The following EXOC6 variants were observed in gnomAD, a reference collection of about 807,000 sequenced individuals.
The protein encoded by EXOC6 is exocyst complex component 6.
EXOC6 carries 60 observed loss-of-function variants against 112.5 expected under a neutral mutation model. The observed-to-expected ratio is 0.53, with a 90% CI of 0.43 to 0.66. The LOEUF (loss-of-function observed/expected upper bound fraction) is 0.66, where lower values mean the gene tolerates loss of function less well. Ranked by LOEUF, EXOC6 falls within the 30% of genes least tolerant of loss-of-function variation. EXOC6 has a pLI of 0.00. For synonymous variants in EXOC6, 295 were observed against 308.0 expected, an observed-to-expected ratio of 0.96 and a Z score of 0.44; for missense variants, 855 against 957.1, an observed-to-expected ratio of 0.89 and a Z score of 1.41.
intron 5 of EXOC6, among the ~76,000 whole-genome samples, chr10:92,905,074 A>G (rs983132543): frequency 6.6e-6 from 1 of 151,978 alleles, no homozygotes; most frequent in African/African-American, 2.4e-5. Flanking sequence ...TTTCCATTGA[A>G]TTTCCTCAGT....
At chr10:92,844,584 T>C (rs576156410), upstream of EXOC6, among the ~76,000 whole-genome samples, 1 of 151,252 alleles carries the variant, frequency 6.6e-6, no homozygotes, top group Non-Finnish European at 1.5e-5. Context: ...CACAATCAGG[T>C]TTTTTTTTAA....
chr10:93,013,299 A>G (rs1184157183), intron 19 of EXOC6, among the ~76,000 whole-genome samples: 2 of 151,396 alleles, frequency 1.3e-5, no homozygotes, highest in East Asian at 3.9e-4. Context: ...TAGTTGAGGC[A>G]TGAATCCTTT....
At chr10:92,960,510 G>C (rs1403311996) in intron 17 of EXOC6, among the ~76,000 whole-genome samples, 1 of 151,632 alleles carries the variant, frequency 6.6e-6, no homozygotes, top group African/African-American at 2.4e-5. Flanking sequence ...GGAATTTGTG[G>C]GGTATGTAGT....
chr10:92,925,413 G>A (rs1851661457), intron 8 of EXOC6, among the ~76,000 whole-genome samples: 1 of 151,898 alleles, frequency 6.6e-6, no homozygotes, highest in African/African-American at 2.4e-5. Flanking sequence ...TCATGCCTCA[G>A]TCTCCCAAGT....
At chr10:92,924,468 G>A (rs1851601255) in intron 8 of EXOC6, among the ~76,000 whole-genome samples, 1 of 152,112 alleles carries the variant, frequency 6.6e-6, no homozygotes, top group Non-Finnish European at 1.5e-5. Context: ...AGTGGGTAAA[G>A]CTGTTTAGCT....
At chr10:92,948,184 G>C in intron 13 of EXOC6, 90 bp from the exon 14 acceptor site, 1 of 750,708 alleles carries the variant, frequency 1.3e-6, no homozygotes, top group East Asian at 2.8e-5. Flanking sequence ...AACTGCTTTT[G>C]TAATAGTTGG....
intron 1 of EXOC6, among the ~76,000 whole-genome samples, chr10:92,877,452 T>C (rs1465694201): frequency 6.6e-6 from 1 of 152,198 alleles, no homozygotes; most frequent in Non-Finnish European, 1.5e-5. Context: ...TAAAACCAGT[T>C]GTCCTTTATA....
At chr10:92,922,069 C>G (rs960431232) in intron 8 of EXOC6, among the ~76,000 whole-genome samples, 3 of 152,024 alleles carry the variant, frequency 2.0e-5, no homozygotes, top group African/African-American at 7.2e-5. Context: ...CCTTAGCCTC[C>G]CAAGTAGCTG....
chr10:92,929,643 A>C (rs1851917443), intron 9 of EXOC6, among the ~76,000 whole-genome samples: 1 of 152,262 alleles, frequency 6.6e-6, no homozygotes, highest in South Asian at 2.1e-4. Context: ...AGAAACTATA[A>C]AGAATGACCA....
intron 18 of EXOC6, among the ~76,000 whole-genome samples, chr10:92,977,792 A>G (rs914480709): frequency 4.6e-5 from 7 of 152,154 alleles, no homozygotes; most frequent in Non-Finnish European, 1.0e-4. Context: ...ATTAAGAGAG[A>G]TTATGTGTTA....
At chr10:92,935,726 A>G in intron 11 of EXOC6, 88 bp from the exon 12 acceptor site, 1 of 945,940 alleles carries the variant, frequency 1.1e-6, no homozygotes, top group South Asian at 1.5e-5. Context: ...AAGAAACATT[A>G]TCAATTTCTT....
chr10:92,958,665 G>A (rs1853823248), intron 17 of EXOC6, among the ~76,000 whole-genome samples: 1 of 152,116 alleles, frequency 6.6e-6, no homozygotes, highest in African/African-American at 2.4e-5. Context: ...TAATATCCAA[G>A]CAAGTTTTTC....
At chr10:92,848,800 C>T (rs964130171) in intron 1 of EXOC6, among the ~76,000 whole-genome samples, 166 bp downstream of exon 1, 2 of 151,712 alleles carry the variant, frequency 1.3e-5, no homozygotes, top group Non-Finnish European at 1.5e-5. Flanking sequence ...AGCCGGTACC[C>T]GGGCGGGACC....
chr10:92,895,847 A>T (rs1413572197), intron 4 of EXOC6, among the ~76,000 whole-genome samples: 1 of 139,232 alleles, frequency 7.2e-6, no homozygotes, highest in Non-Finnish European at 1.5e-5. Context: ...GGCATGAGCC[A>T]CCACACCCGG....
upstream of EXOC6, among the ~76,000 whole-genome samples, chr10:92,843,615 C>T (rs375745635): frequency 6.6e-6 from 1 of 151,748 alleles, no homozygotes; most frequent in Non-Finnish European, 1.5e-5. Context: ...TTTGGGAGGC[C>T]GAGGCGGCGG....
chr10:92,850,908 T>C (rs937455098), intron 1 of EXOC6, among the ~76,000 whole-genome samples: 4 of 152,118 alleles, frequency 2.6e-5, no homozygotes, highest in East Asian at 1.9e-4. Context: ...CCCTGACATA[T>C]AACATGGTTC....
At chr10:93,018,026 GAAATA>G (rs1844620211) in intron 20 of EXOC6, among the ~76,000 whole-genome samples, 1 of 144,316 alleles carries the variant, frequency 6.9e-6, no homozygotes, top group Admixed American at 7.0e-5. Context: ...AAAAAAAAAA[GAAATA>G]AAATAAAAAT....
intron 1 of EXOC6, among the ~76,000 whole-genome samples, chr10:92,880,531 T>C (rs1168319513): frequency 6.6e-6 from 1 of 152,136 alleles, no homozygotes; most frequent in Admixed American, 6.6e-5. Context: ...ACTTGTGAAT[T>C]GAATGTAGAA....
intron 19 of EXOC6, among the ~76,000 whole-genome samples, chr10:93,013,228 C>T (rs951732128): frequency 1.3e-5 from 2 of 151,834 alleles, no homozygotes; most frequent in Non-Finnish European, 2.9e-5. Context: ...AAATTTTAAA[C>T]CACAAAAAAT....
Sources: allele counts gnomAD v4.1 joint callset (sites outside exome capture counted in the v4.1 genomes callset), GRCh38; gene constraint gnomAD v4.1.1; transcripts MANE v1.5; gene names NCBI Gene and HGNC (gene_info 2026-07-23, HGNC 2026-07-21).